NTSR1: variants seen among roughly 807,000 people sequenced by gnomAD.
NTSR1 encodes the protein neurotensin receptor type 1.
NTSR1 carries 29 observed loss-of-function variants against 31.2 expected under a neutral mutation model. That is an observed-to-expected ratio of 0.93 (90% CI 0.69 to 1.27). The LOEUF (loss-of-function observed/expected upper bound fraction) is 1.27. Among genes scored for constraint, NTSR1 ranks in the 50% most tolerant of loss-of-function variants. The pLI, the probability that NTSR1 is intolerant of heterozygous loss-of-function variation, is 0.00. For synonymous variants in NTSR1, 282 were observed against 269.9 expected, an observed-to-expected ratio of 1.04 and a Z score of -0.44; for missense variants, 697 against 595.4, an observed-to-expected ratio of 1.17 and a Z score of -1.78.
At chr20:62,710,973 CCA>C (rs1172728184) in intron 1 of NTSR1, among the ~76,000 whole-genome samples, 1 of 152,200 alleles carries the variant, frequency 6.6e-6, no homozygotes, top group Non-Finnish European at 1.5e-5. Flanking sequence ...CCCCAACTCC[CCA>C]CACACCAGCA....
At chr20:62,730,251 G>A (rs1047877300) in intron 1 of NTSR1, among the ~76,000 whole-genome samples, 8 of 152,122 alleles carry the variant, frequency 5.3e-5, no homozygotes, top group African/African-American at 7.2e-5. Context: ...AGCTCCACCT[G>A]TTTATTCCTC....
chr20:62,729,397 C>G (rs1017445425), intron 1 of NTSR1, among the ~76,000 whole-genome samples: 1 of 152,178 alleles, frequency 6.6e-6, no homozygotes, highest in South Asian at 2.1e-4. Flanking sequence ...CGGGGGCAGT[C>G]CTCAGAAGCA....
chr20:62,709,498 G>T lies in NTSR1; in HGVS notation c.291G>T (p.Leu97=), dbSNP rs1178826233. 38 of 1,612,600 alleles carry T rather than the reference G, an allele frequency of 2.4e-5. No individual in the cohort carries two copies. Among genetic ancestry groups the T allele is most frequent in the Non-Finnish European group, 3.0e-5 (35 of 1,179,854 alleles). Residue 97 remains leucine, a synonymous_variant, in exon 1 of 4, where the codon CTG becomes CTT. Coordinates refer to ENST00000370501, the MANE Select transcript of NTSR1 (RefSeq NM_002531.3). ...TLARKKSLQS[L]QSTVHYHLGS... ...CGCGGAAGAAGTCGCTGCAGAGCCT[G>T]CAGAGCACGGTGCATTACCACCTGG...
At position 62,711,337 on chromosome 20, in the gene NTSR1, A is replaced by G. The variant is rs1988608345; in HGVS notation, c.714+1416A>G. On this transcript the variant is annotated intron_variant, in intron 1 of 3. Coordinates refer to ENST00000370501, the MANE Select transcript of NTSR1 (RefSeq NM_002531.3). This position sits in a 1 kb window ranked among gnomAD's most constrained non-coding sequence, Gnocchi z 6.4. Reference sequence around the variant, plus strand: ...AGAAGTAGGCACGGCCTGTGGGGTAAACACAGTGAGAAATGACCTCTCCCT... The same window carrying G: ...AGAAGTAGGCACGGCCTGTGGGGTAGACACAGTGAGAAATGACCTCTCCCT... Among the ~76,000 whole-genome samples the G allele has an allele frequency of 6.6e-6, 1 of 152,088 alleles. No homozygotes were observed. The highest frequency in any genetic ancestry group is 2.4e-5 in the African/African-American group (1 of 41,406).
intron 1 of NTSR1, among the ~76,000 whole-genome samples, chr20:62,728,304 C>T (rs1438217056): frequency 1.3e-5 from 2 of 152,142 alleles, no homozygotes; most frequent in Non-Finnish European, 2.9e-5. Context: ...CAGCTGGACC[C>T]CAGGGTCACC....
chr20:62,709,604 C>T lies in NTSR1; in HGVS notation c.397C>T (p.Pro133Ser), dbSNP rs140126934. The change falls in exon 1 of 4, where the codon CCC becomes TCC. Residue 133 changes from proline (P) to serine (S), a missense_variant. Coordinates refer to ENST00000370501, the MANE Select transcript of NTSR1 (RefSeq NM_002531.3). ...GTACAACTTCATCTGGGTGCACCACCCCTGGGCCTTCGGCGACGCCGGCTG... is the reference window on the plus strand; with the variant it reads ...GTACAACTTCATCTGGGTGCACCACTCCTGGGCCTTCGGCGACGCCGGCTG... The part of the protein sequence containing the change: ...ELYNFIWVHH[P>S]WAFGDAGCRG... 3 of 1,611,758 alleles carry T rather than the reference C, an allele frequency of 1.9e-6. No individual in the cohort carries two copies. Among genetic ancestry groups the T allele is most frequent in the Non-Finnish European group, 2.5e-6 (3 of 1,179,906 alleles).
rs1246218637 is a variant in NTSR1 at position 62,744,147 on chromosome 20, A to C, written c.715-10538A>C. Among the ~76,000 whole-genome samples, 1 of 152,108 alleles carries C rather than the reference A, an allele frequency of 6.6e-6. No individual in the cohort carries two copies. Among genetic ancestry groups the C allele is most frequent in the Non-Finnish European group, 1.5e-5 (1 of 68,024 alleles). On this transcript the variant is annotated intron_variant, in intron 1 of 3. Coordinates refer to ENST00000370501, the MANE Select transcript of NTSR1 (RefSeq NM_002531.3). This position sits in a 1 kb window ranked among gnomAD's most constrained non-coding sequence, Gnocchi z 4.1. ...CCGTCGCCCCAGCGTGTCCCATCCC[A>C]GCCTCCCAAGCCGCAGTCCTGTGCC... is the stretch of plus-strand genomic sequence containing the variant.
intron 1 of NTSR1, among the ~76,000 whole-genome samples, chr20:62,729,480 G>A (rs538586495): frequency 6.6e-5 from 10 of 152,268 alleles, no homozygotes; most frequent in African/African-American, 2.4e-4. Flanking sequence ...GGGAAACACA[G>A]GTGACACAGG....
In NTSR1 at chr20:62,733,921, A is replaced by G. The variant is rs79701118; in HGVS notation, c.715-20764A>G. ...AATGTATGATTGCTACTTTATCTCAATAGAGGATTCGAACAGCCCCCAGGC... is the reference window on the plus strand; with the variant it reads ...AATGTATGATTGCTACTTTATCTCAGTAGAGGATTCGAACAGCCCCCAGGC... On this transcript the variant is annotated intron_variant, in intron 1 of 3. Transcript: ENST00000370501. The surrounding 1 kb of genome is among the most constrained non-coding windows in gnomAD (Gnocchi z 5.2). 0.053 allele frequency among the ~76,000 whole-genome samples: 7,995 copies of G among 152,246 alleles called. 253 individuals carry two copies. Among genetic ancestry groups the G allele is most frequent in the African/African-American group, 0.076 (3,142 of 41,538 alleles).
intron 1 of NTSR1, among the ~76,000 whole-genome samples, chr20:62,737,787 C>G (rs1019363541): frequency 2.0e-5 from 3 of 152,030 alleles, no homozygotes; most frequent in African/African-American, 7.3e-5. Flanking sequence ...CCTGCTTTAC[C>G]TCCTGCTGCT....
At chr20:62,759,761 C>T (rs6011219) in intron 3 of NTSR1, among the ~76,000 whole-genome samples, 7,949 of 121,974 alleles carry the variant, frequency 0.065, 690 homozygotes, top group African/African-American at 0.2. Flanking sequence ...GGAGACAGAG[C>T]GAGACTCCGT....
At chr20:62,719,108 C>CT (rs1568697364) in intron 1 of NTSR1, among the ~76,000 whole-genome samples, 8 of 51,474 alleles carry the variant, frequency 1.6e-4, no homozygotes, top group South Asian at 1.6e-3. Context: ...GCTTCCAGTC[C>CT]CTTTTTTTTT....
chr20:62,744,917 G>A lies in NTSR1; in HGVS notation c.715-9768G>A, dbSNP rs1989272361. 6.6e-6 allele frequency among the ~76,000 whole-genome samples: 1 copy of A among 152,172 alleles called. No individual in the cohort carries two copies. Among genetic ancestry groups the A allele is most frequent in the Non-Finnish European group, 1.5e-5 (1 of 68,020 alleles). On this transcript the variant is annotated intron_variant, in intron 1 of 3. Coordinates refer to ENST00000370501, the MANE Select transcript of NTSR1 (RefSeq NM_002531.3). This position sits in a 1 kb window ranked among gnomAD's most constrained non-coding sequence, Gnocchi z 4.1. ...CCCAGACAGGGCTAGGAGGCAAGGGGTAGCAGCTGAGGGGTGCACACAGCA... is the reference window on the plus strand; with the variant it reads ...CCCAGACAGGGCTAGGAGGCAAGGGATAGCAGCTGAGGGGTGCACACAGCA...
intron 2 of NTSR1, among the ~76,000 whole-genome samples, chr20:62,757,426 C>T (rs1989530176): frequency 2.0e-5 from 3 of 152,212 alleles, no homozygotes; most frequent in Admixed American, 2.0e-4. Flanking sequence ...ACGTGTCTAT[C>T]TTTATGCCAG....
At chr20:62,718,364 C>A (rs1056721808) in intron 1 of NTSR1, among the ~76,000 whole-genome samples, 11 of 152,032 alleles carry the variant, frequency 7.2e-5, no homozygotes, top group South Asian at 2.1e-4. Flanking sequence ...GAGAAGGTGG[C>A]GGAGAGGGGT....
intron 1 of NTSR1, among the ~76,000 whole-genome samples, chr20:62,729,439 T>G (rs937758062): frequency 2.0e-5 from 3 of 151,976 alleles, no homozygotes; most frequent in African/African-American, 7.3e-5. Context: ...GTGCAGGTGA[T>G]GGATGGAGGG....
intron 1 of NTSR1, among the ~76,000 whole-genome samples, chr20:62,727,131 C>T (rs540593367): frequency 1.3e-3 from 200 of 152,266 alleles, no homozygotes; most frequent in Non-Finnish European, 2.1e-3. Context: ...GCCTGGGAAG[C>T]GGGTTGCCTG....
intron 1 of NTSR1, among the ~76,000 whole-genome samples, chr20:62,747,617 C>T (rs924957938): frequency 1.3e-5 from 2 of 152,224 alleles, no homozygotes; most frequent in Non-Finnish European, 2.9e-5. Context: ...ATGCACTACT[C>T]AACATGGTCC....
At chr20:62,749,245 T>C (rs1989352665) in intron 1 of NTSR1, among the ~76,000 whole-genome samples, 2 of 151,994 alleles carry the variant, frequency 1.3e-5, no homozygotes, top group Non-Finnish European at 2.9e-5. Flanking sequence ...ATCGAGACCA[T>C]CCTGGCTAAC....
Sources: gnomAD v4.1 joint callset for allele counts (sites outside exome capture counted in the v4.1 genomes callset) on GRCh38, gnomAD v4.1.1 for gene constraint, Gnocchi (gnomAD v3.1) non-coding constraint, MANE v1.5 for transcripts, NCBI Gene and HGNC (gene_info 2026-07-23, HGNC 2026-07-21) for gene names.